FRMD4A: variants seen among roughly 807,000 people sequenced by gnomAD.
FRMD4A encodes the protein FERM domain containing 4A.
FRMD4A carries 29 observed loss-of-function variants against 129.1 expected under a neutral mutation model. The observed-to-expected ratio is 0.22, with a 90% CI of 0.17 to 0.31. The LOEUF is 0.31. FRMD4A is among the 10% of genes least tolerant of loss of function. The probability of loss-of-function intolerance (pLI) is 1.00; values close to 1 mark genes in which losing one functional copy is unlikely to be tolerated. For missense variants in FRMD4A, 1,272 were observed against 1,375.8 expected (o/e 0.92, Z 1.19); for synonymous variants, 634 against 571.6 (o/e 1.11, Z -1.56).
At chr10:14,263,785 C>T (rs73601291) in intron 2 of FRMD4A, among the ~76,000 whole-genome samples, 1 of 152,170 alleles carries the variant, frequency 6.6e-6, no homozygotes, top group Non-Finnish European at 1.5e-5. Flanking sequence ...TCGGTTTTCA[C>T]TGCGACTGGC....
chr10:14,077,211 C>T (rs1291727976), intron 2 of FRMD4A, among the ~76,000 whole-genome samples: 1 of 152,038 alleles, frequency 6.6e-6, no homozygotes, highest in African/African-American at 2.4e-5. Flanking sequence ...AGGATGATCC[C>T]CAAGACAAAA....
chr10:13,685,316 C>T, intron 15 of FRMD4A: 1 of 985,114 alleles, frequency 1.0e-6, no homozygotes, highest in South Asian at 4.7e-5. Context: ...GATTCCATGG[C>T]TCACTGGCAC....
intron 2 of FRMD4A, among the ~76,000 whole-genome samples, chr10:14,265,930 C>T (rs1225894701): frequency 1.3e-5 from 2 of 152,142 alleles, no homozygotes; most frequent in African/African-American, 4.8e-5. Flanking sequence ...CCTCTATAAG[C>T]GCAAAGGCAT....
At chr10:14,000,216 C>G (rs1204357051) in intron 2 of FRMD4A, among the ~76,000 whole-genome samples, 2 of 152,118 alleles carry the variant, frequency 1.3e-5, no homozygotes, top group Non-Finnish European at 2.9e-5. Context: ...CTCTGAGGCT[C>G]ATTGATGAGT....
At chr10:13,744,273 C>T (rs12412772) in intron 9 of FRMD4A, among the ~76,000 whole-genome samples, 41,665 of 151,902 alleles carry the variant, frequency 0.27, 6,194 homozygotes, top group East Asian at 0.5. Context: ...AGGCAGAATC[C>T]AGGTCAGGGT....
chr10:13,847,979 C>T (rs888268029), intron 3 of FRMD4A, among the ~76,000 whole-genome samples: 7 of 152,222 alleles, frequency 4.6e-5, no homozygotes, highest in Admixed American at 4.6e-4. Flanking sequence ...TCCCTGTGAC[C>T]CCATCCTTAT....
intron 2 of FRMD4A, among the ~76,000 whole-genome samples, chr10:14,209,117 T>C (rs1842867513): frequency 6.6e-6 from 1 of 152,082 alleles, no homozygotes; most frequent in Admixed American, 6.5e-5. Flanking sequence ...TTCCTCACTT[T>C]CCTTGCCTTG....
intron 3 of FRMD4A, among the ~76,000 whole-genome samples, chr10:13,820,259 G>A (rs17154065): frequency 0.068 from 10,360 of 152,214 alleles, 542 homozygotes; most frequent in Admixed American, 0.16. Context: ...ACCCTCAGAT[G>A]GAAACCCCGA....
chr10:14,271,437 T>A (rs1452390285), intron 2 of FRMD4A, among the ~76,000 whole-genome samples: 1 of 152,228 alleles, frequency 6.6e-6, no homozygotes, highest in African/African-American at 2.4e-5. Flanking sequence ...ACATTCACAC[T>A]GGGACATGAA....
intron 3 of FRMD4A, among the ~76,000 whole-genome samples, chr10:13,825,225 A>G (rs1295741142): frequency 1.3e-5 from 2 of 152,242 alleles, no homozygotes; most frequent in African/African-American, 4.8e-5. Flanking sequence ...GGCCATTATG[A>G]AATCAAGTAA....
chr10:13,734,232 C>A (rs958714340), intron 12 of FRMD4A, among the ~76,000 whole-genome samples: 6 of 152,178 alleles, frequency 3.9e-5, no homozygotes, highest in African/African-American at 1.4e-4. Context: ...TCCTGAAGCC[C>A]CGCCAGGTGT....
intron 23 of FRMD4A, chr10:13,654,006 C>G (rs1451087560): frequency 3.2e-6 from 1 of 314,430 alleles, no homozygotes; most frequent in Admixed American, 4.5e-5. Flanking sequence ...AAGACACTGG[C>G]TGTTTCACCT....
At chr10:14,196,069 C>G (rs1329859638) in intron 2 of FRMD4A, among the ~76,000 whole-genome samples, 1 of 152,068 alleles carries the variant, frequency 6.6e-6, no homozygotes, top group Admixed American at 6.6e-5. Flanking sequence ...ACAGAGACTG[C>G]AAAAACAAAT....
At chr10:14,096,425 C>A (rs1836964281) in intron 2 of FRMD4A, among the ~76,000 whole-genome samples, 1 of 152,230 alleles carries the variant, frequency 6.6e-6, no homozygotes, top group Non-Finnish European at 1.5e-5. Flanking sequence ...GAATTGACTT[C>A]TTTCCCTGGC....
At chr10:14,254,586 C>T (rs999179239) in intron 2 of FRMD4A, among the ~76,000 whole-genome samples, 1 of 152,072 alleles carries the variant, frequency 6.6e-6, no homozygotes, top group Non-Finnish European at 1.5e-5. Context: ...CCTTTCTTTA[C>T]AATGTGGGGT....
intron 2 of FRMD4A, among the ~76,000 whole-genome samples, chr10:13,945,958 C>T (rs778903742): frequency 1.3e-5 from 2 of 152,188 alleles, no homozygotes; most frequent in African/African-American, 2.4e-5. Flanking sequence ...TCAATCAGAG[C>T]ACAGGCATTA....
intron 2 of FRMD4A, chr10:14,008,341 AG>A (rs2095669887): frequency 2.9e-6 from 3 of 1,028,218 alleles, no homozygotes; most frequent in Non-Finnish European, 3.5e-6. Context: ...TGTCAGGAGG[AG>A]GGGGGATGGG....
chr10:14,242,100 T>A (rs1029211415), intron 2 of FRMD4A, among the ~76,000 whole-genome samples: 1 of 152,128 alleles, frequency 6.6e-6, no homozygotes, highest in East Asian at 1.9e-4. Flanking sequence ...TGTCTCAAGC[T>A]AAGTACACCA....
At chr10:14,124,159 G>A (rs2131815532) in intron 2 of FRMD4A, among the ~76,000 whole-genome samples, 1 of 152,266 alleles carries the variant, frequency 6.6e-6, no homozygotes, top group Non-Finnish European at 1.5e-5. Context: ...CTTTATTCAA[G>A]CACAGCAGTG....
Sources: gnomAD v4.1 joint callset for allele counts (sites outside exome capture counted in the v4.1 genomes callset) on GRCh38, gnomAD v4.1.1 for gene constraint, MANE v1.5 for transcripts, NCBI Gene and HGNC (gene_info 2026-07-23, HGNC 2026-07-21) for gene names.